Variants in FSHR observed in about 807,000 individuals in gnomAD.
The protein encoded by FSHR is follicle stimulating hormone receptor.
FSHR carries 46 observed loss-of-function variants against 52.1 expected under a neutral mutation model. The observed-to-expected ratio is 0.88, with a 90% CI of 0.70 to 1.13. The LOEUF is 1.13. Ranked by LOEUF, FSHR falls within the 50% of genes most tolerant of loss-of-function variation. FSHR has a pLI of 0.00. For synonymous variants in FSHR, 399 were observed against 309.6 expected, an observed-to-expected ratio of 1.29 and a Z score of -3.03; for missense variants, 964 against 834.6, an observed-to-expected ratio of 1.16 and a Z score of -1.91.
chr2:49,086,447 T>C (rs1330787412), intron 1 of FSHR, among the ~76,000 whole-genome samples: 1 of 152,192 alleles, frequency 6.6e-6, no homozygotes, highest in Non-Finnish European at 1.5e-5. Context: ...TGATTTGTTC[T>C]TCTGTCTTGT....
intron 1 of FSHR, among the ~76,000 whole-genome samples, chr2:49,141,620 G>C (rs530550547): frequency 1.3e-5 from 2 of 152,156 alleles, no homozygotes; most frequent in African/African-American, 4.8e-5. Flanking sequence ...GATTTAGAGG[G>C]GACACACATC....
At chr2:49,011,549 T>G (rs566139664) in intron 4 of FSHR, among the ~76,000 whole-genome samples, 1 of 152,186 alleles carries the variant, frequency 6.6e-6, no homozygotes, top group African/African-American at 2.4e-5. Flanking sequence ...TTAGGTCCGC[T>G]TGGTGCAGAG....
At chr2:49,023,040 T>C (rs1667793686) in intron 2 of FSHR, among the ~76,000 whole-genome samples, 1 of 152,124 alleles carries the variant, frequency 6.6e-6, no homozygotes, top group South Asian at 2.1e-4. Context: ...AATAATATGC[T>C]ACCAGACTTT....
chr2:49,049,785 ACT>A (rs1289703462), intron 2 of FSHR, among the ~76,000 whole-genome samples: 4 of 150,586 alleles, frequency 2.7e-5, no homozygotes, highest in Admixed American at 2.0e-4. Context: ...GATCTCAAGA[ACT>A]CTGCTTTCTT....
At chr2:49,060,785 CT>C (rs1275683639) in intron 2 of FSHR, among the ~76,000 whole-genome samples, 1 of 152,158 alleles carries the variant, frequency 6.6e-6, no homozygotes, top group Non-Finnish European at 1.5e-5. Context: ...ACCTCTCTCC[CT>C]GGGGAGTGCA....
At position 49,154,246 on chromosome 2, in the gene FSHR, C is replaced by T. The variant is rs759459671; in HGVS notation, c.152+20G>A. ...ACAAATGCCAGCCATGCAGTTGTTC[C>T]CCCTCCCTCTGATACTCACAGTTCA... On this transcript the variant is annotated intron_variant, in intron 1 of 9. Coordinates refer to ENST00000406846, the MANE Select transcript of FSHR (RefSeq NM_000145.4). 6.8e-6 allele frequency: 11 copies of T among 1,612,380 alleles called. No homozygotes were observed. Among genetic ancestry groups the T allele is most frequent in the Middle Eastern group, 1.7e-4 (1 of 6,056 alleles).
intron 1 of FSHR, among the ~76,000 whole-genome samples, chr2:49,089,396 A>G (rs960142663): frequency 6.6e-6 from 1 of 152,210 alleles, no homozygotes; most frequent in Non-Finnish European, 1.5e-5. Context: ...CTGCTTCTTT[A>G]GATACTATTA....
At chr2:49,058,312 G>T (rs1055992325) in intron 2 of FSHR, among the ~76,000 whole-genome samples, 1 of 152,170 alleles carries the variant, frequency 6.6e-6, no homozygotes, top group Non-Finnish European at 1.5e-5. Context: ...ACATTGGGAG[G>T]CTGAGGCAGG....
At chr2:49,053,346 A>G (rs990904056) in intron 2 of FSHR, among the ~76,000 whole-genome samples, 20 of 152,270 alleles carry the variant, frequency 1.3e-4, no homozygotes, top group South Asian at 1.0e-3. Flanking sequence ...ATAATAACAC[A>G]TAGATGTGTT....
intron 1 of FSHR, among the ~76,000 whole-genome samples, chr2:49,092,106 A>T (rs908685427): frequency 6.6e-6 from 1 of 152,212 alleles, no homozygotes; most frequent in Non-Finnish European, 1.5e-5. Context: ...TAGGTTTACA[A>T]CTAAGTATTT....
intron 1 of FSHR, among the ~76,000 whole-genome samples, chr2:49,134,505 G>A (rs1336237476): frequency 6.6e-6 from 1 of 152,190 alleles, no homozygotes; most frequent in East Asian, 1.9e-4. Flanking sequence ...AAGACAGTGT[G>A]GTGATTCCTC....
intron 6 of FSHR, among the ~76,000 whole-genome samples, chr2:48,987,035 C>T (rs1675545396): frequency 6.6e-6 from 1 of 152,090 alleles, no homozygotes; most frequent in South Asian, 2.1e-4. Flanking sequence ...TCCAAATAAA[C>T]ATAAACATCT....
chr2:49,098,699 C>T (rs924035543), intron 1 of FSHR, among the ~76,000 whole-genome samples: 2 of 147,558 alleles, frequency 1.4e-5, no homozygotes, highest in African/African-American at 5.0e-5. Flanking sequence ...TGTATGTGTA[C>T]ATATATCTAT....
At chr2:49,127,811 CTTCTTCT>C (rs1672082697) in intron 1 of FSHR, among the ~76,000 whole-genome samples, 2 of 51,552 alleles carry the variant, frequency 3.9e-5, no homozygotes, top group Non-Finnish European at 7.0e-5. Context: ...TCTTCTTCTT[CTTCTTCT>C]TCTTCTTCTT....
At chr2:48,984,548 AT>A (rs1157709259) in intron 6 of FSHR, among the ~76,000 whole-genome samples, 1 of 151,978 alleles carries the variant, frequency 6.6e-6, no homozygotes, top group African/African-American at 2.4e-5. Flanking sequence ...AATTACCACA[AT>A]TTTTTATTGA....
At chr2:49,136,509 C>T (rs908995200) in intron 1 of FSHR, among the ~76,000 whole-genome samples, 3 of 152,048 alleles carry the variant, frequency 2.0e-5, no homozygotes, top group African/African-American at 7.2e-5. Context: ...TGCACTCATT[C>T]TATGAGGCCA....
At chr2:49,028,514 G>C (rs556179396) in intron 2 of FSHR, among the ~76,000 whole-genome samples, 1 of 152,188 alleles carries the variant, frequency 6.6e-6, no homozygotes, top group Non-Finnish European at 1.5e-5. Context: ...TAGGGTTTTT[G>C]TGAGAATATT....
intron 1 of FSHR, among the ~76,000 whole-genome samples, chr2:49,074,990 A>T (rs950538580): frequency 6.6e-6 from 1 of 152,106 alleles, no homozygotes; most frequent in African/African-American, 2.4e-5. Flanking sequence ...GAAAAAGTTG[A>T]TCTCATAGAC....
intron 1 of FSHR, among the ~76,000 whole-genome samples, chr2:49,075,650 G>A (rs1196681414): frequency 1.3e-5 from 2 of 151,488 alleles, no homozygotes; most frequent in African/African-American, 2.4e-5. Flanking sequence ...TTTCTTTTGA[G>A]ACAGTCTTGC....
Sources: gnomAD v4.1 joint callset for allele counts (sites outside exome capture counted in the v4.1 genomes callset) on GRCh38, gnomAD v4.1.1 for gene constraint, MANE v1.5 for transcripts, NCBI Gene and HGNC (gene_info 2026-07-23, HGNC 2026-07-21) for gene names.